Variants in CCDC148 observed in about 807,000 individuals in gnomAD.
CCDC148 encodes coiled-coil domain containing 148, also known as coiled-coil domain-containing protein 148.
In CCDC148, 89 loss-of-function variants were observed where a neutral mutation model predicts 85.7. The observed-to-expected ratio is 1.04, with a 90% CI of 0.87 to 1.24. The LOEUF is 1.24. Among genes scored for constraint, CCDC148 ranks in the 50% most tolerant of loss-of-function variants. CCDC148 has a pLI of 0.00. For synonymous variants in CCDC148, 230 were observed against 213.9 expected, an observed-to-expected ratio of 1.08 and a Z score of -0.66; for missense variants, 692 against 671.7, an observed-to-expected ratio of 1.03 and a Z score of -0.33.
At chr2:158,301,998 A>G (rs2105200274) in intron 9 of CCDC148, among the ~76,000 whole-genome samples, 1 of 152,362 alleles carries the variant, frequency 6.6e-6, no homozygotes, top group East Asian at 1.9e-4. Flanking sequence ...TGACTTAGTC[A>G]TGTTTATAGG....
rs1351658892 is a variant in CCDC148 at position 158,418,111 on chromosome 2, G to A, written c.25+38304C>T. ...AATCCCTTGAGTGTTTTTTTTTTTA[G>A]TTTTCTGGAAAGAACATCACACCGT... On this transcript the variant is annotated intron_variant, in intron 1 of 13. Coordinates refer to ENST00000283233, the MANE Select transcript of CCDC148 (RefSeq NM_138803.4). 2.7e-5 allele frequency among the ~76,000 whole-genome samples: 4 copies of A among 149,314 alleles called. No homozygotes were observed. The East Asian group carries it at 5.9e-4, about 22-fold the overall frequency.
At chr2:158,301,908 T>C (rs1691461481) in intron 9 of CCDC148, among the ~76,000 whole-genome samples, 1 of 152,188 alleles carries the variant, frequency 6.6e-6, no homozygotes, top group Non-Finnish European at 1.5e-5. Flanking sequence ...TTCAAAGGAT[T>C]GATTTCAAAT....
rs183674502 is a variant in CCDC148, at chr2:158,331,907, C to T, written c.764+6819G>A. On this transcript the variant is annotated intron_variant, in intron 7 of 13. Coordinates refer to ENST00000283233, the MANE Select transcript of CCDC148 (RefSeq NM_138803.4). ...TTTTGAGCCTATGTGTGTCTCTGCACGAGAGATGGGTTTCCTGAATACAGC... is the reference window on the plus strand; with the variant it reads ...TTTTGAGCCTATGTGTGTCTCTGCATGAGAGATGGGTTTCCTGAATACAGC... Among the ~76,000 whole-genome samples the T allele has an allele frequency of 5.3e-3, 814 of 152,188 alleles. 4 individuals carry two copies. Among genetic ancestry groups the T allele is most frequent in the Middle Eastern group, 0.01 (3 of 294 alleles).
At chr2:158,252,172 TTAAA>T (rs968402674) in intron 9 of CCDC148, among the ~76,000 whole-genome samples, 4 of 151,762 alleles carry the variant, frequency 2.6e-5, no homozygotes, top group Non-Finnish European at 4.4e-5. Flanking sequence ...ATGATGAAAA[TTAAA>T]TAAATAAAAT....
intron 1 of CCDC148, among the ~76,000 whole-genome samples, chr2:158,417,834 C>T (rs1686573300): frequency 6.6e-6 from 1 of 152,028 alleles, no homozygotes; most frequent in South Asian, 2.1e-4. Flanking sequence ...TTGTAGATCC[C>T]CCTGAGGCAT....
intron 1 of CCDC148, among the ~76,000 whole-genome samples, chr2:158,427,549 T>C (rs1163372409): frequency 2.0e-5 from 3 of 152,006 alleles, no homozygotes; most frequent in Non-Finnish European, 4.4e-5. Flanking sequence ...TCAAACAGAA[T>C]TGCATATGCT....
intron 11 of CCDC148, among the ~76,000 whole-genome samples, chr2:158,202,219 A>G (rs1686004049): frequency 6.6e-6 from 1 of 152,168 alleles, no homozygotes; most frequent in African/African-American, 2.4e-5. Context: ...ACGCACAATC[A>G]CTTTCCCACT....
chr2:158,436,151 C>T (rs1015111981), intron 1 of CCDC148, among the ~76,000 whole-genome samples: 3 of 152,184 alleles, frequency 2.0e-5, no homozygotes, highest in African/African-American at 4.8e-5. Flanking sequence ...CAGAACTCTC[C>T]ACCCCAAATC....
intron 1 of CCDC148, among the ~76,000 whole-genome samples, chr2:158,433,074 C>CAAAAA (rs755383954): frequency 0.03 from 2,188 of 73,728 alleles, 17 homozygotes; most frequent in Non-Finnish European, 0.044. Context: ...CTCATCTCTA[C>CAAAAA]AAAAAAAAAA....
chr2:158,298,032 C>T (rs1291894073), intron 9 of CCDC148, among the ~76,000 whole-genome samples: 3 of 152,214 alleles, frequency 2.0e-5, no homozygotes, highest in Non-Finnish European at 4.4e-5. Flanking sequence ...AATTTACAGT[C>T]ATGGCGGAAG....
chr2:158,439,903 C>T (rs1687857381), intron 1 of CCDC148, among the ~76,000 whole-genome samples: 1 of 152,106 alleles, frequency 6.6e-6, no homozygotes, highest in Non-Finnish European at 1.5e-5. Context: ...CTCTGTTGTG[C>T]AGGCTGGAGT....
chr2:158,392,042 T>C (rs909394641), intron 1 of CCDC148, among the ~76,000 whole-genome samples: 1 of 152,140 alleles, frequency 6.6e-6, no homozygotes, highest in African/African-American at 2.4e-5. Flanking sequence ...AAATTCACGC[T>C]GCAGAAGGGT....
At chr2:158,359,717 T>C (rs1683844987) in intron 1 of CCDC148, among the ~76,000 whole-genome samples, 1 of 152,202 alleles carries the variant, frequency 6.6e-6, no homozygotes, top group Non-Finnish European at 1.5e-5. Context: ...CAAATGCCTA[T>C]GCCACCAGAG....
chr2:158,177,388 C>T (rs552111830), intron 12 of CCDC148, among the ~76,000 whole-genome samples: 1 of 152,196 alleles, frequency 6.6e-6, no homozygotes, highest in South Asian at 2.1e-4. Flanking sequence ...AAGAAAATGG[C>T]ATTCTTAATG....
chr2:158,409,154 G>A (rs1686151247), intron 1 of CCDC148, among the ~76,000 whole-genome samples: 2 of 152,174 alleles, frequency 1.3e-5, no homozygotes, highest in African/African-American at 4.8e-5. Flanking sequence ...AGTGCAGAAG[G>A]GAAACATGGG....
intron 1 of CCDC148, among the ~76,000 whole-genome samples, chr2:158,388,944 C>G (rs1177684971): frequency 6.6e-6 from 1 of 152,148 alleles, no homozygotes; most frequent in Non-Finnish European, 1.5e-5. Context: ...AAGGTAGTTG[C>G]AGATGCCTGA....
chr2:158,328,934 A>G (rs201209929), intron 7 of CCDC148, among the ~76,000 whole-genome samples: 17,440 of 151,222 alleles, frequency 0.12, 1,563 homozygotes, highest in African/African-American at 0.25. Flanking sequence ...AGATGAGTAG[A>G]ATGCAAAAAT....
At chr2:158,330,893 C>T (rs6733093) in intron 7 of CCDC148, among the ~76,000 whole-genome samples, 25,580 of 151,608 alleles carry the variant, frequency 0.17, 3,465 homozygotes, top group African/African-American at 0.38. Flanking sequence ...ATTTGATTCT[C>T]CTCTCTTTTC....
chr2:158,217,984 C>T (rs1686980516), intron 11 of CCDC148, among the ~76,000 whole-genome samples: 1 of 152,208 alleles, frequency 6.6e-6, no homozygotes, highest in Admixed American at 6.5e-5. Context: ...CTTCTGGTTA[C>T]TATCGAAAGC....
Sources: allele counts gnomAD v4.1 joint callset (sites outside exome capture counted in the v4.1 genomes callset), GRCh38; gene constraint gnomAD v4.1.1; transcripts MANE v1.5; gene names NCBI Gene and HGNC (gene_info 2026-07-23, HGNC 2026-07-21).